Variants in DHRS12 observed in about 807,000 individuals in gnomAD.
DHRS12 encodes the protein dehydrogenase/reductase SDR family member 12.
In DHRS12, 29 loss-of-function variants were observed where a neutral mutation model predicts 32.1. That is an observed-to-expected ratio of 0.90 (90% confidence interval 0.67 to 1.23). The LOEUF is 1.23. Ranked by LOEUF, DHRS12 falls within the 50% of genes most tolerant of loss-of-function variation. DHRS12 has a pLI of 0.00. For missense variants in DHRS12, 330 were observed against 337.2 expected (o/e 0.98, Z 0.17); for synonymous variants, 150 against 135.9 (o/e 1.10, Z -0.72).
intron 7 of DHRS12, 143 bp from the exon 8 acceptor site, chr13:51,769,436 C>T: frequency 1.4e-6 from 1 of 702,730 alleles, no homozygotes; most frequent in Non-Finnish European, 2.2e-6. Flanking sequence ...CTCACCCAAG[C>T]CACTCGGAAC....
intron 5 of DHRS12, chr13:51,775,865 C>CCTACAGTATTCTCCTACATGTATT: frequency 0.04 from 2,558 of 64,066 alleles, 547 homozygotes; most frequent in East Asian, 0.11. Flanking sequence ...ACAGTATTCT[C>CCTACAGTATTCTCCTACATGTATT]CTACAGTATT....
the DHRS12 span, among the ~76,000 whole-genome samples, chr13:51,754,995 A>T: frequency 6.6e-6 from 1 of 152,200 alleles, no homozygotes; most frequent in Non-Finnish European, 1.5e-5. Context: ...TGCTCCAGCC[A>T]TCCCCAGGTC....
downstream of DHRS12, chr13:51,764,714 G>T (rs1050467541): frequency 3.3e-5 from 5 of 152,202 alleles, no homozygotes; most frequent in African/African-American, 9.7e-5. Flanking sequence ...GAAATCCCTA[G>T]AACTGTTAAC....
chr13:51,774,112 T>G, intron 5 of DHRS12, 78 bp from the exon 6 acceptor site: 1 of 1,386,454 alleles, frequency 7.2e-7, no homozygotes, highest in Non-Finnish European at 1.0e-6. Context: ...GAGCAGTGCT[T>G]CTTGCTGTTG....
chr13:51,799,637 A>G lies in DHRS12; in HGVS notation c.23T>C (p.Leu8Ser), dbSNP rs1214298126. Residue 8 changes from leucine (L) to serine (S), a missense_variant, in exon 2 of 9, where the codon TTG (leucine) becomes TCG (serine). Leu to Ser is a moderately radical substitution (Grantham distance 145, BLOSUM62 -2). Coordinates refer to ENST00000444610, the MANE Select transcript of DHRS12 (RefSeq NM_001377533.1). The part of the protein sequence containing the change: MNLHVKT[L>S]SLMTWRSRFL... The stretch of plus-strand genomic sequence containing the variant: ...TCTGGACCTCCAAGTCATGAGGGAC[A>G]AAGTCTTTACATGCAGATTCATAGC... 1 of 1,614,054 alleles carries G rather than the reference A, an allele frequency of 6.2e-7. No individual in the cohort carries two copies. Among genetic ancestry groups the G allele is most frequent in the Non-Finnish European group, 8.5e-7 (1 of 1,180,044 alleles).
intron 4 of DHRS12, 42 bp downstream of exon 4, chr13:51,789,969 T>C (rs778807553): frequency 6.4e-7 from 1 of 1,562,672 alleles, no homozygotes; most frequent in South Asian, 1.2e-5. Flanking sequence ...ACATTCTATG[T>C]TTATTTTGCT....
At chr13:51,802,754 C>T (rs949095358) in intron 1 of DHRS12, among the ~76,000 whole-genome samples, 3 of 152,244 alleles carry the variant, frequency 2.0e-5, no homozygotes, top group African/African-American at 7.2e-5. Context: ...CTCCTATTCA[C>T]TAAATCCACA....
chr13:51,757,273 C>T, the DHRS12 span, among the ~76,000 whole-genome samples: 3 of 152,070 alleles, frequency 2.0e-5, no homozygotes, highest in Non-Finnish European at 4.4e-5. Flanking sequence ...TGAGAGTTTT[C>T]TCATTGAATT....
chr13:51,794,018 A>G (rs1350162356), intron 2 of DHRS12, among the ~76,000 whole-genome samples: 1 of 152,236 alleles, frequency 6.6e-6, no homozygotes, highest in African/African-American at 2.4e-5. Context: ...AGCACCAAGA[A>G]AAGAGGAAGG....
At chr13:51,755,085 T>C in the DHRS12 span, among the ~76,000 whole-genome samples, 586 of 152,296 alleles carry the variant, frequency 3.8e-3, 9 homozygotes, top group East Asian at 0.048. Context: ...TCTGTGCTTC[T>C]CCCTCTTGGG....
the DHRS12 span, among the ~76,000 whole-genome samples, chr13:51,759,085 G>A: frequency 3.3e-5 from 5 of 152,268 alleles, no homozygotes; most frequent in South Asian, 4.1e-4. Flanking sequence ...GGAGGCTGAC[G>A]TGCAAGAATT....
At chr13:51,767,257 AT>A (rs1566266282), downstream of DHRS12, 1 of 152,268 alleles carries the variant, frequency 6.6e-6, no homozygotes, top group African/African-American at 2.4e-5. Flanking sequence ...CACACCCAGC[AT>A]TGCTGAGGCC....
chr13:51,757,902 T>G, the DHRS12 span, among the ~76,000 whole-genome samples: 2 of 152,092 alleles, frequency 1.3e-5, no homozygotes, highest in African/African-American at 2.4e-5. Context: ...AAAAGCCCTG[T>G]GGTTTTAAAA....
chr13:51,786,447 C>T (rs1238909990), intron 4 of DHRS12, among the ~76,000 whole-genome samples: 1 of 152,166 alleles, frequency 6.6e-6, no homozygotes, highest in East Asian at 1.9e-4. Flanking sequence ...ACGTATGTGA[C>T]TGGAGGAGAC....
At chr13:51,768,647 A>C in intron 8 of DHRS12, 1 of 1,138,246 alleles carries the variant, frequency 8.8e-7, no homozygotes, top group Non-Finnish European at 1.1e-6. Context: ...AAGAGAAGCC[A>C]AGCAAAGAGC....
At chr13:51,760,257 T>TA in the DHRS12 span, 1 of 152,724 alleles carries the variant, frequency 6.5e-6, no homozygotes, top group Non-Finnish European at 1.5e-5. Context: ...GGGGATGTAT[T>TA]TATGTTATTT....
Position 51,782,564 on chromosome 13 carries a change from C to T in DHRS12, c.302-5443G>A, listed in dbSNP as rs73494147. Among the ~76,000 whole-genome samples the T allele has an allele frequency of 8.8e-3, 1,342 of 152,224 alleles. 22 individuals are homozygous for T. The highest frequency in any genetic ancestry group is 0.031 in the African/African-American group (1,272 of 41,522). The stretch of plus-strand genomic sequence containing the variant: ...GTGGCCAAAGGTCAGGGAGATAAGC[C>T]GACTGGAGTGAGCTGCAGGATGCCC... On this transcript the variant is annotated intron_variant, in intron 4 of 8. Coordinates refer to ENST00000444610, the MANE Select transcript of DHRS12 (RefSeq NM_001377533.1). This position sits in a 1 kb window ranked among gnomAD's most constrained non-coding sequence, Gnocchi z 4.2.
intron 4 of DHRS12, among the ~76,000 whole-genome samples, chr13:51,784,153 G>A (rs773493071): frequency 1.3e-5 from 2 of 152,206 alleles, no homozygotes; most frequent in Non-Finnish European, 2.9e-5. Flanking sequence ...AGTGCAGCCA[G>A]TGTGACTGAG....
downstream of DHRS12, chr13:51,767,881 A>C (rs2138855810): frequency 5.1e-6 from 3 of 591,374 alleles, no homozygotes; most frequent in South Asian, 8.1e-5. Context: ...TGCTGCCCCC[A>C]CCCCTGCGTC....
Sources: gnomAD v4.1 joint callset for allele counts (sites outside exome capture counted in the v4.1 genomes callset) on GRCh38, gnomAD v4.1.1 for gene constraint, Gnocchi (gnomAD v3.1) non-coding constraint, MANE v1.5 for transcripts, NCBI Gene and HGNC (gene_info 2026-07-23, HGNC 2026-07-21) for gene names.